ROBO2: variants seen among roughly 807,000 people sequenced by gnomAD.
ROBO2 encodes roundabout guidance receptor 2.
In ROBO2, 53 loss-of-function variants were observed where a neutral mutation model predicts 160.8. The observed-to-expected ratio is 0.33, with a 90% CI of 0.26 to 0.41. The LOEUF is 0.41. Ranked by LOEUF, ROBO2 falls within the 10% of genes least tolerant of loss-of-function variation. The pLI is 1.00. For synonymous variants in ROBO2, 664 were observed against 611.7 expected, an observed-to-expected ratio of 1.09 and a Z score of -1.26; for missense variants, 1,577 against 1,722.4, an observed-to-expected ratio of 0.92 and a Z score of 1.49.
chr3:77,094,312 T>A (rs915257576), intron 1 of ROBO2, among the ~76,000 whole-genome samples: 1 of 152,246 alleles, frequency 6.6e-6, no homozygotes, highest in Admixed American at 6.5e-5. Flanking sequence ...TGTTGTAGCA[T>A]GTATTATTAA....
At chr3:76,062,396 C>T (rs1384220377) in intron 2 of ROBO2, among the ~76,000 whole-genome samples, 1 of 151,936 alleles carries the variant, frequency 6.6e-6, no homozygotes, top group Non-Finnish European at 1.5e-5. Context: ...CTAATGTTAT[C>T]CCCAAACAAT....
intron 2 of ROBO2, among the ~76,000 whole-genome samples, chr3:77,021,962 C>T (rs767230922): frequency 7.2e-5 from 11 of 152,230 alleles, no homozygotes; most frequent in Admixed American, 1.3e-4. Flanking sequence ...ACCCAGAGGC[C>T]GGGTGTAGTG....
intron 2 of ROBO2, among the ~76,000 whole-genome samples, chr3:76,930,431 G>A (rs532465810): frequency 6.6e-6 from 1 of 152,200 alleles, no homozygotes; most frequent in African/African-American, 2.4e-5. Context: ...ACCATAAAAT[G>A]TCCCCCAAAC....
chr3:77,563,215 G>A (rs780171371), exon 11 of ROBO2: 2 of 1,613,322 alleles, frequency 1.2e-6, no homozygotes, highest in Non-Finnish European at 8.5e-7. Flanking sequence ...GACCTGCCAG[G>A]GCCACCATCC....
intron 2 of ROBO2, among the ~76,000 whole-genome samples, chr3:76,019,776 A>G (rs762553693): frequency 6.6e-6 from 1 of 150,380 alleles, no homozygotes; most frequent in Non-Finnish European, 1.5e-5. Context: ...ATTGTCTAAT[A>G]TTTGCATTAT....
chr3:76,144,806 G>A lies in ROBO2; in HGVS notation c.109+207204G>A, dbSNP rs572562414. On this transcript the variant is annotated intron_variant, in intron 2 of 26. Transcript: ENST00000487694. ...TAAAATTAGACACGAAATATTGAAT[G>A]TACATACATTTTCCTGAAAAGAGTT... Among the ~76,000 whole-genome samples, 409 of 152,060 alleles carry A rather than the reference G, an allele frequency of 2.7e-3. 1 individual carries two copies. Among genetic ancestry groups the A allele is most frequent in the Non-Finnish European group, 4.8e-3 (327 of 67,944 alleles).
intron 2 of ROBO2, among the ~76,000 whole-genome samples, chr3:77,378,324 C>T (rs1452267913): frequency 6.6e-6 from 1 of 152,056 alleles, no homozygotes; most frequent in Non-Finnish European, 1.5e-5. Flanking sequence ...TCTTTGAGTT[C>T]CTATAAGGTA....
At chr3:77,465,726 T>A (rs1163571826) in intron 2 of ROBO2, among the ~76,000 whole-genome samples, 1 of 152,218 alleles carries the variant, frequency 6.6e-6, no homozygotes, top group African/African-American at 2.4e-5. Flanking sequence ...ATTCTCTTCA[T>A]GAGAACTCAG....
In ROBO2 at chr3:76,972,161, G is replaced by A. The variant is rs553811379; in HGVS notation, c.110-125853G>A. Among the ~76,000 whole-genome samples the A allele has an allele frequency of 1.1e-4, 16 of 152,036 alleles. No individual in the cohort carries two copies. In the South Asian group the frequency reaches 3.3e-3, roughly 32 times the overall value. On this transcript the variant is annotated intron_variant, in intron 2 of 26. Coordinates refer to the ROBO2 transcript ENST00000487694. ...TTGTAGGAACTCTCTTTCTTACTCA[G>A]TGAGCTGTAAAACAAAATCATGATG...
chr3:77,406,491 AATAAAG>A (rs1210551913), intron 2 of ROBO2, among the ~76,000 whole-genome samples: 1 of 152,200 alleles, frequency 6.6e-6, no homozygotes, highest in East Asian at 1.9e-4. Context: ...AGTTTGAGAT[AATAAAG>A]ATAAATATTT....
At chr3:76,518,058 T>C (rs1302477843) in intron 2 of ROBO2, among the ~76,000 whole-genome samples, 1 of 152,158 alleles carries the variant, frequency 6.6e-6, no homozygotes, top group Admixed American at 6.6e-5. Context: ...TGGCATTAGA[T>C]TTAGAATACA....
At chr3:77,536,291 G>C (rs2092096240) in intron 6 of ROBO2, among the ~76,000 whole-genome samples, 1 of 152,134 alleles carries the variant, frequency 6.6e-6, no homozygotes, top group African/African-American at 2.4e-5. Context: ...CTAACATACT[G>C]CCTTTGTTTT....
chr3:76,338,052 T>A (rs1576520004), intron 2 of ROBO2, among the ~76,000 whole-genome samples: 1 of 152,170 alleles, frequency 6.6e-6, no homozygotes, highest in Non-Finnish European at 1.5e-5. Flanking sequence ...CATTTCATGG[T>A]ACCTCAAGAG....
chr3:77,552,324 T>C (rs954357038), intron 8 of ROBO2, among the ~76,000 whole-genome samples: 1 of 151,986 alleles, frequency 6.6e-6, no homozygotes, highest in African/African-American at 2.4e-5. Flanking sequence ...TAATATTTTA[T>C]AGAAGATTGA....
intron 2 of ROBO2, among the ~76,000 whole-genome samples, chr3:76,639,535 C>A (rs2090538025): frequency 6.6e-6 from 1 of 151,916 alleles, no homozygotes; most frequent in South Asian, 2.1e-4. Context: ...AAACGAGGAG[C>A]AGTTTCTCAT....
chr3:76,533,064 G>T (rs1014382877), intron 2 of ROBO2, among the ~76,000 whole-genome samples: 3 of 152,148 alleles, frequency 2.0e-5, no homozygotes, highest in African/African-American at 7.2e-5. Flanking sequence ...TCTCCTAAAA[G>T]AGGATTTCAT....
At chr3:76,195,046 A>G (rs1222498998) in intron 2 of ROBO2, among the ~76,000 whole-genome samples, 2 of 152,172 alleles carry the variant, frequency 1.3e-5, no homozygotes, top group Admixed American at 1.3e-4. Flanking sequence ...AAAGGGCACC[A>G]TGTTTACATT....
intron 2 of ROBO2, among the ~76,000 whole-genome samples, chr3:75,982,489 A>C (rs188129637): frequency 1.3e-5 from 2 of 151,634 alleles, no homozygotes; most frequent in East Asian, 3.9e-4. Flanking sequence ...GATAATATCT[A>C]TTGTAGTTTT....
At chr3:77,143,937 T>A (rs778780165) in intron 2 of ROBO2, among the ~76,000 whole-genome samples, 1 of 152,348 alleles carries the variant, frequency 6.6e-6, no homozygotes, top group South Asian at 2.1e-4. Flanking sequence ...GACCATTGAA[T>A]TGTCCTAAAA....
Sources: gnomAD v4.1 joint callset for allele counts (sites outside exome capture counted in the v4.1 genomes callset) on GRCh38, gnomAD v4.1.1 for gene constraint, MANE v1.5 for transcripts, NCBI Gene and HGNC (gene_info 2026-07-23, HGNC 2026-07-21) for gene names.